RERE: variants seen among roughly 807,000 people sequenced by gnomAD.
RERE encodes the protein arginine-glutamic acid dipeptide repeats protein.
RERE carries 40 observed loss-of-function variants against 146.1 expected under a neutral mutation model. The observed-to-expected ratio is 0.27, with a 90% CI of 0.21 to 0.36. The LOEUF (loss-of-function observed/expected upper bound fraction) is 0.36, where lower values mean the gene tolerates loss of function less well. Ranked by LOEUF, RERE falls within the 10% of genes least tolerant of loss-of-function variation. The pLI is 1.00. For missense variants in RERE, 1,933 were observed against 2,138.7 expected (o/e 0.90, Z 1.90); for synonymous variants, 1,003 against 866.0 (o/e 1.16, Z -2.78).
chr1:8,509,766 C>G (rs1159489923), intron 7 of RERE, among the ~76,000 whole-genome samples: 1 of 152,182 alleles, frequency 6.6e-6, no homozygotes, highest in Non-Finnish European at 1.5e-5. Flanking sequence ...TGCACTCCAA[C>G]CTGGGCAACA....
At chr1:8,608,957 T>G (rs1192365766) in intron 4 of RERE, among the ~76,000 whole-genome samples, 2 of 151,824 alleles carry the variant, frequency 1.3e-5, no homozygotes, top group Non-Finnish European at 2.9e-5. Context: ...GGTGGCTCAT[T>G]CCTGTAATCC....
intron 8 of RERE, among the ~76,000 whole-genome samples, chr1:8,502,204 G>GT (rs1481080598): frequency 1.1e-5 from 1 of 87,572 alleles, no homozygotes; most frequent in African/African-American, 5.0e-5. Context: ...CGTCCGGGAG[G>GT]GAGGTGGGGG....
Position 8,656,028 on chromosome 1 carries a change from A to G in RERE, c.270T>C (p.Asp90=). Residue 90 remains aspartate (D), a synonymous_variant, in exon 2 of 23, where the codon GAT becomes GAC. Transcript: ENST00000400908. ...TGATGTAGGATGTTATCTCACCGGT[A>G]TCTGTCCTTTCATAACGAGACTTTT... is the stretch of plus-strand genomic sequence containing the variant. ...PKKKSRYERT[D]TGEITSYITE... The G allele has an allele frequency of 6.2e-7, 1 of 1,614,086 alleles. No homozygotes were observed. Among genetic ancestry groups the G allele is most frequent in the Non-Finnish European group, 8.5e-7 (1 of 1,180,002 alleles).
At chr1:8,639,811 C>T (rs1286200477) in intron 2 of RERE, among the ~76,000 whole-genome samples, 8 of 152,124 alleles carry the variant, frequency 5.3e-5, no homozygotes, top group Admixed American at 5.2e-4. Context: ...ACTAACATTG[C>T]CACAATCAAT....
At chr1:8,695,522 G>C (rs1233962771) in intron 1 of RERE, among the ~76,000 whole-genome samples, 4 of 150,804 alleles carry the variant, frequency 2.7e-5, no homozygotes, top group Non-Finnish European at 2.9e-5. Context: ...GGCCCAGGGG[G>C]GCGGATCACC....
intron 12 of RERE, among the ~76,000 whole-genome samples, chr1:8,386,331 C>T (rs1383497936): frequency 1.3e-5 from 2 of 151,210 alleles, no homozygotes; most frequent in Non-Finnish European, 2.9e-5. Context: ...AGGAACCCCT[C>T]TCATCCCAAG....
intron 1 of RERE, among the ~76,000 whole-genome samples, chr1:8,811,993 T>C (rs1193349759): frequency 6.6e-6 from 1 of 152,194 alleles, no homozygotes; most frequent in Non-Finnish European, 1.5e-5. Flanking sequence ...TATTCCAGTA[T>C]GTATGAGGCA....
chr1:8,620,704 G>T (rs1237242538), intron 3 of RERE, among the ~76,000 whole-genome samples: 2 of 151,828 alleles, frequency 1.3e-5, no homozygotes, highest in East Asian at 3.9e-4. Flanking sequence ...TCTACAGTGC[G>T]AAGCGACCTT....
chr1:8,459,880 A>G (rs1644503945), intron 11 of RERE, among the ~76,000 whole-genome samples: 1 of 152,240 alleles, frequency 6.6e-6, no homozygotes, highest in African/African-American at 2.4e-5. Context: ...TTGAATGACT[A>G]CATAAAATGG....
chr1:8,761,641 G>C (rs981910883), intron 1 of RERE, among the ~76,000 whole-genome samples: 3 of 152,114 alleles, frequency 2.0e-5, no homozygotes, highest in African/African-American at 7.2e-5. Flanking sequence ...TTCTCGGCCG[G>C]GCATGGTGGC....
intron 12 of RERE, among the ~76,000 whole-genome samples, chr1:8,377,231 C>G (rs1642286452): frequency 6.6e-6 from 1 of 152,218 alleles, no homozygotes; most frequent in Non-Finnish European, 1.5e-5. Flanking sequence ...CTGGGCAGTT[C>G]CAACACAATT....
intron 2 of RERE, among the ~76,000 whole-genome samples, chr1:8,639,048 C>T (rs1393567424): frequency 6.6e-6 from 1 of 152,138 alleles, no homozygotes; most frequent in Non-Finnish European, 1.5e-5. Context: ...GCTGGGATTA[C>T]AGGCGTGAGC....
intron 12 of RERE, among the ~76,000 whole-genome samples, chr1:8,403,716 A>AT (rs1643345286): frequency 1.4e-5 from 2 of 142,634 alleles, no homozygotes; most frequent in African/African-American, 5.2e-5. Context: ...GGATCATCTC[A>AT]TTTTTTCCTC....
At chr1:8,663,584 C>T (rs1337859599) in intron 1 of RERE, among the ~76,000 whole-genome samples, 1 of 152,136 alleles carries the variant, frequency 6.6e-6, no homozygotes, top group Non-Finnish European at 1.5e-5. Context: ...CTTAGCCTTC[C>T]TCCCATCTGT....
chr1:8,751,950 GCA>G (rs777120575), intron 1 of RERE, among the ~76,000 whole-genome samples: 3 of 53,876 alleles, frequency 5.6e-5, no homozygotes, highest in African/African-American at 1.4e-4. Flanking sequence ...TTTTAAGATT[GCA>G]AAAAAAAAAA....
At chr1:8,590,400 A>G (rs1395044520) in intron 4 of RERE, among the ~76,000 whole-genome samples, 2 of 152,198 alleles carry the variant, frequency 1.3e-5, no homozygotes, top group Non-Finnish European at 2.9e-5. Flanking sequence ...TGGACCACAG[A>G]GAATGTCAGA....
At chr1:8,729,694 A>G (rs996006569) in intron 1 of RERE, among the ~76,000 whole-genome samples, 1 of 152,166 alleles carries the variant, frequency 6.6e-6, no homozygotes, top group Admixed American at 6.5e-5. Context: ...CCAGATCACA[A>G]CTTAAGAGGA....
Position 8,626,868 on chromosome 1 carries a change from C to G in RERE, c.326-2488G>C, listed in dbSNP as rs182681379. On this transcript the variant is annotated intron_variant, in intron 2 of 22. Coordinates refer to ENST00000400908, the MANE Select transcript of RERE (RefSeq NM_001042681.2). ...CACTTTTCGCATTTCTTTCCTCATTCTTTAACTCTTACAGCTACTACTCAC... is the reference window on the plus strand; with the variant it reads ...CACTTTTCGCATTTCTTTCCTCATTGTTTAACTCTTACAGCTACTACTCAC... Among the ~76,000 whole-genome samples, 22 of 152,340 alleles carry G rather than the reference C, an allele frequency of 1.4e-4. No homozygotes were observed. The East Asian group carries it at 1.5e-3, about 11-fold the overall frequency.
intron 4 of RERE, among the ~76,000 whole-genome samples, chr1:8,603,907 T>A (rs1238513437): frequency 7.5e-6 from 1 of 132,920 alleles, no homozygotes; most frequent in Non-Finnish European, 1.5e-5. Context: ...GCCACTGTAC[T>A]CTAGGTGGGT....
Sources: gnomAD v4.1 joint callset for allele counts (sites outside exome capture counted in the v4.1 genomes callset) on GRCh38, gnomAD v4.1.1 for gene constraint, MANE v1.5 for transcripts, NCBI Gene and HGNC (gene_info 2026-07-23, HGNC 2026-07-21) for gene names.